Variants in RDH11 observed in about 807,000 individuals in gnomAD.
The protein encoded by RDH11 is HCV core-binding protein HCBP12.
Under a neutral mutation model 33.4 loss-of-function variants are expected in RDH11, and 19 were observed. The ratio of observed to expected loss-of-function variants is 0.57; its 90% CI spans 0.40 to 0.83. The LOEUF (loss-of-function observed/expected upper bound fraction) is 0.83. Ranked by LOEUF, RDH11 falls within the 40% of genes least tolerant of loss-of-function variation. The probability of loss-of-function intolerance (pLI) is 0.00; values close to 1 mark genes in which losing one functional copy is unlikely to be tolerated. For synonymous variants in RDH11, 154 were observed against 155.3 expected (o/e 0.99, Z 0.06); for missense variants, 353 against 389.0 (o/e 0.91, Z 0.78).
intron 6 of RDH11, among the ~76,000 whole-genome samples, chr14:67,679,821 G>A (rs113292256): frequency 6.6e-6 from 1 of 151,988 alleles, no homozygotes; most frequent in African/African-American, 2.4e-5. Context: ...TTCAGTCAAA[G>A]TTTTAAAAAA....
intron 1 of RDH11, among the ~76,000 whole-genome samples, chr14:67,695,402 G>A (rs1041934801): frequency 2.0e-5 from 3 of 152,172 alleles, no homozygotes; most frequent in African/African-American, 4.8e-5. Flanking sequence ...ACAGGCCAGG[G>A]AAAAGCAGTG....
intron 1 of RDH11, 144 bp downstream of exon 1, chr14:67,695,486 C>T: frequency 1.4e-6 from 1 of 729,272 alleles, no homozygotes; most frequent in Non-Finnish European, 2.2e-6. Context: ...AGCTGGACCT[C>T]GCCTCCAACC....
rs2037548505 is a variant in RDH11 at position 67,677,082 on chromosome 14, AAAT to A, written c.*1236_*1238del. The A allele has an allele frequency of 6.6e-6, 1 of 152,180 alleles. No individual in the cohort carries two copies. Among genetic ancestry groups the A allele is most frequent in the African/African-American group, 2.4e-5 (1 of 41,446 alleles). 9.4% of individuals were successfully genotyped at this position (152,180 alleles called of 1,614,324 possible). On this transcript the variant is annotated 3_prime_UTR_variant, in exon 7 of 7. Coordinates refer to ENST00000381346, the MANE Select transcript of RDH11 (RefSeq NM_016026.4). ...ATAACTCTTTCCCCCACCAAAGTTA[AAAT>A]ATAATTGTCATTCCAGGAAATCAAA...
intron 5 of RDH11, among the ~76,000 whole-genome samples, chr14:67,686,844 C>G (rs2037685384): frequency 2.0e-5 from 3 of 152,096 alleles, no homozygotes; most frequent in Non-Finnish European, 4.4e-5. Context: ...AAATGTTTTG[C>G]TGCCAAATGA....
chr14:67,679,082 G>C (rs1201208345), intron 6 of RDH11, among the ~76,000 whole-genome samples: 2 of 152,204 alleles, frequency 1.3e-5, no homozygotes, highest in Non-Finnish European at 2.9e-5. Flanking sequence ...AGAAGTCCAA[G>C]ATCAAGGGGC....
chr14:67,677,363 A>ATTTTTTTTTTTTTTTTTTTTTTTTTTTTT lies in RDH11; in HGVS notation c.*929_*957dup, dbSNP rs71129846. On this transcript the variant is annotated 3_prime_UTR_variant, in exon 7 of 7. Transcript: ENST00000381346. ...TTTTTTTTGTTTGTTTGTTTTTAGG[A>ATTTTTTTTTTTTTTTTTTTTTTTTTTTTT]TTTTTTTTTTTTTTTTTTTTTTTTT... The ATTTTTTTTTTTTTTTTTTTTTTTTTTTTT allele has an allele frequency of 6.3e-5, 2 of 31,978 alleles. No homozygotes were observed. The highest frequency in any genetic ancestry group is 1.4e-3 in the East Asian group (1 of 738). 2.0% of individuals were successfully genotyped at this position (31,978 alleles called of 1,614,324 possible). A position where few individuals can be genotyped will look rare whatever the true frequency, so the allele number is the denominator to read the frequency against.
At chr14:67,686,507 C>T (rs1043697728) in intron 5 of RDH11, among the ~76,000 whole-genome samples, 2 of 151,988 alleles carry the variant, frequency 1.3e-5, no homozygotes, top group African/African-American at 2.4e-5. Flanking sequence ...GGCATGGTGG[C>T]GTGCACCTGT....
chr14:67,682,181 A>G (rs1452778069), intron 6 of RDH11, among the ~76,000 whole-genome samples: 1 of 152,248 alleles, frequency 6.6e-6, no homozygotes, highest in Non-Finnish European at 1.5e-5. Context: ...TCTTTACTAA[A>G]GACAGTAGTA....
intron 6 of RDH11, among the ~76,000 whole-genome samples, chr14:67,679,372 T>C (rs534202598): frequency 6.6e-6 from 1 of 152,186 alleles, no homozygotes; most frequent in African/African-American, 2.4e-5. Context: ...GTGTTTCATA[T>C]ACCCTCTCTT....
intron 6 of RDH11, among the ~76,000 whole-genome samples, chr14:67,680,326 ACT>A (rs2037599026): frequency 6.6e-6 from 1 of 152,208 alleles, no homozygotes; most frequent in African/African-American, 2.4e-5. Context: ...TCTGGAAATG[ACT>A]CAGCCTTTGT....
At position 67,677,362 on chromosome 14, in the gene RDH11, G is replaced by GTTTT. The variant is rs1491192256; in HGVS notation, c.*958_*959insAAAA. On this transcript the variant is annotated 3_prime_UTR_variant, in exon 7 of 7. Coordinates refer to ENST00000381346, the MANE Select transcript of RDH11 (RefSeq NM_016026.4). ...GTTTTTTTTGTTTGTTTGTTTTTAG[G>GTTTT]ATTTTTTTTTTTTTTTTTTTTTTTT... The GTTTT allele has an allele frequency of 1.1e-4, 3 of 26,256 alleles. No individual in the cohort carries two copies. The highest frequency in any genetic ancestry group is 3.6e-4 in the Admixed American group (1 of 2,788). The allele number at this position is 26,256 out of a possible 1,614,324, so 1.6% of individuals were successfully genotyped here.
In RDH11 at chr14:67,691,187, G is replaced by A. The variant is rs114772690; in HGVS notation, c.407C>T (p.Ser136Leu). 780 of 1,614,020 alleles carry A rather than the reference G, an allele frequency of 4.8e-4. 4 individuals are homozygous for A. The African/African-American group carries it at 8.6e-3, about 18-fold the overall frequency. Reference sequence around the variant, plus strand: ...CATCTCAAAGCCATCTGCTGTCTTCGAGTACGGACACATCATCACTCCTGC... The same window carrying A: ...CATCTCAAAGCCATCTGCTGTCTTCAAGTACGGACACATCATCACTCCTGC... ...NNAGVMMCPY[S>L]KTADGFEMHI... Residue 136 changes from serine to leucine, a missense_variant, in exon 4 of 7, where the codon TCG becomes TTG. By Grantham distance (145) the Ser-to-Leu change is moderately radical. Coordinates refer to ENST00000381346, the MANE Select transcript of RDH11 (RefSeq NM_016026.4).
intron 5 of RDH11, among the ~76,000 whole-genome samples, chr14:67,687,035 G>C (rs1226437571): frequency 6.6e-6 from 1 of 152,144 alleles, no homozygotes; most frequent in Non-Finnish European, 1.5e-5. Flanking sequence ...TTCTTGCAGT[G>C]TTCCCGACAT....
At chr14:67,693,391 G>A (rs1478430192) in intron 1 of RDH11, among the ~76,000 whole-genome samples, 1 of 152,122 alleles carries the variant, frequency 6.6e-6, no homozygotes, top group East Asian at 1.9e-4. Flanking sequence ...CAGCCCAGAA[G>A]AAGAAATAAC....
chr14:67,680,188 A>G (rs925524043), intron 6 of RDH11, among the ~76,000 whole-genome samples: 5 of 152,234 alleles, frequency 3.3e-5, no homozygotes, highest in African/African-American at 1.2e-4. Flanking sequence ...CCATTTCAAA[A>G]TATCGTCACG....
At chr14:67,678,573 T>G (rs1197515841) in intron 6 of RDH11, 150 bp from the exon 7 acceptor site, 5 of 575,762 alleles carry the variant, frequency 8.7e-6, no homozygotes, top group Non-Finnish European at 6.2e-6. Context: ...CTCTTCATTC[T>G]CCAGTCCTTA....
At chr14:67,681,989 G>A (rs958371285) in intron 6 of RDH11, among the ~76,000 whole-genome samples, 4 of 152,144 alleles carry the variant, frequency 2.6e-5, no homozygotes, top group African/African-American at 9.7e-5. Flanking sequence ...ATGGGAGTGG[G>A]TTTGTTCTTG....
rs2037565475 is a variant in RDH11, at chr14:67,678,023, G to T, written c.*298C>A. ...CCCTGCTATAGCTTAGATTCTCCTA[G>T]GTAGTAGTTTCTTTCAGAAGGAAAA... On this transcript the variant is annotated 3_prime_UTR_variant, in exon 7 of 7. Coordinates refer to ENST00000381346, the MANE Select transcript of RDH11 (RefSeq NM_016026.4). 1 of 228,408 alleles carries T rather than the reference G, an allele frequency of 4.4e-6. No individual in the cohort carries two copies. Among genetic ancestry groups the T allele is most frequent in the Admixed American group, 5.4e-5 (1 of 18,508 alleles). The allele number at this position is 228,408 out of a possible 1,614,324, so 14.1% of individuals were successfully genotyped here. A position where few individuals can be genotyped will look rare whatever the true frequency, so the allele number is the denominator to read the frequency against.
chr14:67,683,483 T>C (rs1052838338), intron 6 of RDH11, among the ~76,000 whole-genome samples: 16 of 152,230 alleles, frequency 1.1e-4, no homozygotes, highest in Admixed American at 2.6e-4. Flanking sequence ...TGGACAACTG[T>C]TACTCTTTGG....
Sources: gnomAD v4.1 joint callset for allele counts (sites outside exome capture counted in the v4.1 genomes callset) on GRCh38, gnomAD v4.1.1 for gene constraint, MANE v1.5 for transcripts, NCBI Gene and HGNC (gene_info 2026-07-23, HGNC 2026-07-21) for gene names.